Variants in EPM2A observed in about 807,000 individuals in gnomAD.
EPM2A encodes the protein laforin.
Under a neutral mutation model 26.5 loss-of-function variants are expected in EPM2A, and 21 were observed. The ratio of observed to expected loss-of-function variants is 0.79; its 90% CI spans 0.56 to 1.14. EPM2A has a LOEUF of 1.14. EPM2A is among the 50% of genes most tolerant of loss of function. The probability of loss-of-function intolerance (pLI) is 0.00; values close to 1 mark genes in which losing one functional copy is unlikely to be tolerated. For missense variants in EPM2A, 458 were observed against 440.8 expected, an observed-to-expected ratio of 1.04 and a Z score of -0.35; for synonymous variants, 217 against 177.6, an observed-to-expected ratio of 1.22 and a Z score of -1.76.
chr6:145,674,809 T>C (rs1007828097), intron 2 of EPM2A, among the ~76,000 whole-genome samples: 1 of 151,640 alleles, frequency 6.6e-6, no homozygotes, highest in East Asian at 1.9e-4. Flanking sequence ...CTACATTTGA[T>C]TGGTGTACCT....
chr6:145,672,062 G>T (rs535148780), intron 2 of EPM2A, among the ~76,000 whole-genome samples: 1 of 152,054 alleles, frequency 6.6e-6, no homozygotes, highest in South Asian at 2.1e-4. Flanking sequence ...TATTGAAGAG[G>T]GTGGTGTAGT....
chr6:145,411,735 A>G (rs2114675575), intron 4 of EPM2A, among the ~76,000 whole-genome samples: 1 of 152,362 alleles, frequency 6.6e-6, no homozygotes, highest in African/African-American at 2.4e-5. Context: ...TATATATGTT[A>G]CTTTATACTA....
At chr6:145,631,389 G>A (rs1000681555) in intron 3 of EPM2A, 2 of 152,054 alleles carry the variant, frequency 1.3e-5, no homozygotes, top group Non-Finnish European at 2.9e-5. Context: ...TTAACATAAA[G>A]TATTCCAAAC....
intron 4 of EPM2A, among the ~76,000 whole-genome samples, chr6:145,419,108 G>A (rs1317711700): frequency 6.6e-6 from 1 of 151,850 alleles, no homozygotes; most frequent in Non-Finnish European, 1.5e-5. Context: ...AACAGGAAGA[G>A]GCACATCCAA....
chr6:145,554,944 T>G (rs554722525), intron 2 of EPM2A, among the ~76,000 whole-genome samples: 1 of 152,204 alleles, frequency 6.6e-6, no homozygotes, highest in South Asian at 2.1e-4. Context: ...ACTTCAGGCT[T>G]TACTCTTAAG....
At chr6:145,420,749 A>T (rs1056851700) in intron 4 of EPM2A, among the ~76,000 whole-genome samples, 1 of 152,142 alleles carries the variant, frequency 6.6e-6, no homozygotes, top group Non-Finnish European at 1.5e-5. Flanking sequence ...TTTATAAAGC[A>T]CAGAGATTTA....
At chr6:145,697,475 G>C (rs141454771) in intron 1 of EPM2A, among the ~76,000 whole-genome samples, 3,426 of 152,244 alleles carry the variant, frequency 0.023, 48 homozygotes, top group Admixed American at 0.031. Flanking sequence ...AGGAGACAGG[G>C]TTTGAGAGCA....
chr6:145,496,728 A>ATGTTTTGTTTTTTTTT (rs779194973), downstream of EPM2A, among the ~76,000 whole-genome samples: 1 of 106,908 alleles, frequency 9.4e-6, no homozygotes, highest in Non-Finnish European at 2.0e-5. Flanking sequence ...AGTTCCTGCA[A>ATGTTTTGTTTTTTTTT]TTTTTTTTTT....
chr6:145,592,969 T>C (rs1781294861), intron 2 of EPM2A, among the ~76,000 whole-genome samples: 1 of 152,088 alleles, frequency 6.6e-6, no homozygotes, highest in Non-Finnish European at 1.5e-5. Context: ...ATAATCACTT[T>C]AAATATAAAT....
intron 2 of EPM2A, among the ~76,000 whole-genome samples, chr6:145,612,725 T>C (rs1338411820): frequency 6.8e-6 from 1 of 148,104 alleles, no homozygotes; most frequent in African/African-American, 2.4e-5. Flanking sequence ...ATATATATTA[T>C]ATATATTATA....
intron 4 of EPM2A, among the ~76,000 whole-genome samples, chr6:145,394,059 G>A (rs897894900): frequency 1.3e-5 from 2 of 152,022 alleles, no homozygotes; most frequent in South Asian, 4.2e-4. Context: ...TCCTGACCTT[G>A]TGAACTGCCT....
intron 2 of EPM2A, among the ~76,000 whole-genome samples, chr6:145,580,638 G>A (rs1034679509): frequency 6.6e-6 from 1 of 152,088 alleles, no homozygotes; most frequent in Non-Finnish European, 1.5e-5. Context: ...CATAATACCT[G>A]ATAGGTGGTT....
intron 4 of EPM2A, among the ~76,000 whole-genome samples, chr6:145,411,992 G>C (rs1778649096): frequency 6.6e-6 from 1 of 152,088 alleles, no homozygotes; most frequent in African/African-American, 2.4e-5. Context: ...GGCCGAGGGA[G>C]ACGGATCACC....
At chr6:145,721,335 C>T (rs1217578996) in intron 1 of EPM2A, 1 of 152,178 alleles carries the variant, frequency 6.6e-6, no homozygotes, top group Non-Finnish European at 1.5e-5. Context: ...GCACTACAGG[C>T]CTGAGCTATC....
chr6:145,701,757 A>G lies in EPM2A; in HGVS notation c.302-15461T>C, dbSNP rs148631856. Reference sequence around the variant, plus strand: ...AGCAAGTAATTTTGGAGGATAAATCATATTTCCTTAGGCATCACATCTCCA... The same window carrying G: ...AGCAAGTAATTTTGGAGGATAAATCGTATTTCCTTAGGCATCACATCTCCA... On this transcript the variant is annotated intron_variant, in intron 1 of 3. Transcript: ENST00000367519. Among the ~76,000 whole-genome samples, 17 of 152,332 alleles carry G rather than the reference A, an allele frequency of 1.1e-4. No individual in the cohort carries two copies. In the East Asian group the frequency reaches 3.1e-3, roughly 28 times the overall value.
At chr6:145,551,080 C>T (rs1318441593) in intron 2 of EPM2A, among the ~76,000 whole-genome samples, 1 of 152,030 alleles carries the variant, frequency 6.6e-6, no homozygotes, top group East Asian at 1.9e-4. Context: ...AGTCAAATGT[C>T]TCCCACAGAA....
intron 4 of EPM2A, among the ~76,000 whole-genome samples, chr6:145,392,953 CA>C (rs1337700930): frequency 6.6e-6 from 1 of 151,040 alleles, no homozygotes; most frequent in Non-Finnish European, 1.5e-5. Flanking sequence ...ATGATATATC[CA>C]AAAAAGGGAT....
chr6:145,697,683 G>A (rs533316131), intron 1 of EPM2A, among the ~76,000 whole-genome samples: 20 of 152,260 alleles, frequency 1.3e-4, no homozygotes, highest in African/African-American at 4.6e-4. Flanking sequence ...CTGAGAAAAA[G>A]AATTCAGCAA....
chr6:145,629,747 G>A (rs1347212161), intron 3 of EPM2A: 1 of 152,230 alleles, frequency 6.6e-6, no homozygotes, highest in African/African-American at 2.4e-5. Flanking sequence ...GCTCCCTGCT[G>A]TGCCTGTCTC....
Sources: gnomAD v4.1 joint callset for allele counts (sites outside exome capture counted in the v4.1 genomes callset) on GRCh38, gnomAD v4.1.1 for gene constraint, MANE v1.5 for transcripts, NCBI Gene and HGNC (gene_info 2026-07-23, HGNC 2026-07-21) for gene names.